The following WWOX variants were observed in gnomAD, a reference collection of about 807,000 sequenced individuals.
The protein encoded by WWOX is WW domain-containing oxidoreductase.
In WWOX, 69 loss-of-function variants were observed where a neutral mutation model predicts 46.2. The ratio of observed to expected loss-of-function variants is 1.49; its 90% CI spans 1.23 to 1.82. The LOEUF is 1.82. WWOX is among the 40% of genes most tolerant of loss of function. The probability of loss-of-function intolerance (pLI) is 0.00; values close to 1 mark genes in which losing one functional copy is unlikely to be tolerated. For synonymous variants in WWOX, 359 were observed against 202.6 expected (o/e 1.77, Z -6.56); for missense variants, 919 against 542.6 (o/e 1.69, Z -6.89).
intron 8 of WWOX, among the ~76,000 whole-genome samples, chr16:78,586,804 A>C (rs540503619): frequency 1.3e-5 from 2 of 152,138 alleles, no homozygotes; most frequent in East Asian, 1.9e-4. Context: ...AGTATCATCT[A>C]TGTATAATTG....
intron 8 of WWOX, among the ~76,000 whole-genome samples, chr16:79,006,668 G>A (rs927745964): frequency 2.6e-5 from 4 of 152,216 alleles, no homozygotes; most frequent in Admixed American, 6.5e-5. Context: ...GGTCTCACTC[G>A]GCTAAGATCC....
At chr16:78,410,347 G>A (rs934958826) in intron 6 of WWOX, among the ~76,000 whole-genome samples, 2 of 152,212 alleles carry the variant, frequency 1.3e-5, no homozygotes, top group Non-Finnish European at 2.9e-5. Context: ...ACGGTCTGCA[G>A]CATGTCTTTT....
At chr16:78,691,337 A>C (rs1391089159) in intron 8 of WWOX, 1 of 699,342 alleles carries the variant, frequency 1.4e-6, no homozygotes, top group African/African-American at 1.8e-5. Flanking sequence ...TTCATTTTCA[A>C]CATAGCTTTA....
At chr16:78,915,153 C>T (rs1199627973) in intron 8 of WWOX, among the ~76,000 whole-genome samples, 8 of 152,068 alleles carry the variant, frequency 5.3e-5, no homozygotes, top group Admixed American at 6.6e-5. Context: ...AATTACTCTC[C>T]AGTTTTCTTC....
intron 8 of WWOX, among the ~76,000 whole-genome samples, chr16:78,963,744 G>C (rs1011034679): frequency 6.6e-6 from 1 of 152,124 alleles, no homozygotes; most frequent in Non-Finnish European, 1.5e-5. Flanking sequence ...TCCATTTTAA[G>C]ATACAGAAAG....
At position 78,114,492 on chromosome 16, in the gene WWOX, T is replaced by C. The variant is rs1175224489; in HGVS notation, c.231-484T>C. On this transcript the variant is annotated intron_variant, in intron 3 of 8. Transcript: ENST00000566780. ...GAGGTATGAGTGCAGAGTCTTAAAA[T>C]GAAAATCGTTAGAATTTTGGTAGTT... Among the ~76,000 whole-genome samples the C allele has an allele frequency of 4.6e-5, 7 of 152,338 alleles. No individual in the cohort carries two copies. In the East Asian group the frequency reaches 1.3e-3, roughly 29 times the overall value.
At chr16:78,868,462 C>T (rs894912039) in intron 8 of WWOX, among the ~76,000 whole-genome samples, 1 of 118,770 alleles carries the variant, frequency 8.4e-6, no homozygotes, top group Non-Finnish European at 1.8e-5. Context: ...GATGGCTGCA[C>T]AACTGGATAA....
intron 5 of WWOX, among the ~76,000 whole-genome samples, chr16:78,333,523 G>C (rs1446927832): frequency 6.6e-6 from 1 of 151,932 alleles, no homozygotes; most frequent in Non-Finnish European, 1.5e-5. Flanking sequence ...AGTTCTTTTT[G>C]CTTTGTCCGT....
chr16:78,297,978 C>T (rs559678457), intron 5 of WWOX, among the ~76,000 whole-genome samples: 23 of 152,240 alleles, frequency 1.5e-4, no homozygotes, highest in East Asian at 3.9e-4. Context: ...TCATGGAGAC[C>T]GTTCCCCCGT....
At chr16:79,078,801 G>C (rs1430295133) in intron 8 of WWOX, among the ~76,000 whole-genome samples, 1 of 152,184 alleles carries the variant, frequency 6.6e-6, no homozygotes, top group South Asian at 2.1e-4. Context: ...ATTTCTCCAA[G>C]TGGTGATAAT....
At position 78,523,254 on chromosome 16, in the gene WWOX, T is replaced by C. The variant is rs567760828; in HGVS notation, c.1056+90502T>C. ...TAAACCAAAGGACCTAAATAAAATA[T>C]TAATTTTTCATAGTGTTTAATATGT... On this transcript the variant is annotated intron_variant, in intron 8 of 8. Transcript: ENST00000566780. 5.3e-4 allele frequency among the ~76,000 whole-genome samples: 80 copies of C among 152,326 alleles called. 2 individuals carry two copies. The South Asian group carries it at 0.015, about 29-fold the overall frequency.
At chr16:78,414,225 C>G (rs1020189514) in intron 6 of WWOX, among the ~76,000 whole-genome samples, 5 of 152,106 alleles carry the variant, frequency 3.3e-5, no homozygotes, top group African/African-American at 1.2e-4. Context: ...ACCTATTTCC[C>G]TTTGCTGACC....
At chr16:79,092,613 C>G (rs2048985597) in intron 8 of WWOX, among the ~76,000 whole-genome samples, 1 of 152,190 alleles carries the variant, frequency 6.6e-6, no homozygotes, top group Non-Finnish European at 1.5e-5. Context: ...TGATCTGATT[C>G]ATCTGGCGAA....
chr16:78,585,697 G>GT (rs577463776), intron 8 of WWOX, among the ~76,000 whole-genome samples: 671 of 133,962 alleles, frequency 5.0e-3, no homozygotes, highest in Admixed American at 6.7e-3. Flanking sequence ...GTTTTTTTTT[G>GT]TTTTTTTTGT....
At chr16:78,587,193 C>CTTTTTTTTTTTTTTTTTTTTTTTGTTT (rs2045229678) in intron 8 of WWOX, among the ~76,000 whole-genome samples, 1 of 112,908 alleles carries the variant, frequency 8.9e-6, no homozygotes, top group African/African-American at 3.4e-5. Flanking sequence ...GCCTGGCTAA[C>CTTTTTTTTTTTTTTTTTTTTTTTGTTT]TTTTTTTTTT....
At chr16:78,810,686 G>A (rs972998033) in intron 8 of WWOX, among the ~76,000 whole-genome samples, 4 of 152,192 alleles carry the variant, frequency 2.6e-5, no homozygotes, top group Non-Finnish European at 4.4e-5. Context: ...GCTGATTGAA[G>A]CGGGCCATAG....
chr16:78,197,964 T>C (rs888475230), intron 5 of WWOX, among the ~76,000 whole-genome samples: 1 of 152,156 alleles, frequency 6.6e-6, no homozygotes, highest in African/African-American at 2.4e-5. Flanking sequence ...TTTAAATTTC[T>C]TCCATTTTCT....
At chr16:78,234,659 A>C (rs995148780) in intron 5 of WWOX, among the ~76,000 whole-genome samples, 1 of 152,204 alleles carries the variant, frequency 6.6e-6, no homozygotes, top group Non-Finnish European at 1.5e-5. Context: ...TAATTCTTCC[A>C]AGTCAAAAGG....
At chr16:78,197,328 G>A (rs1019703168) in intron 5 of WWOX, among the ~76,000 whole-genome samples, 1 of 152,186 alleles carries the variant, frequency 6.6e-6, no homozygotes, top group Admixed American at 6.5e-5. Context: ...TTTAATATGA[G>A]CACACCTCCT....
Sources: gnomAD v4.1 joint callset for allele counts (sites outside exome capture counted in the v4.1 genomes callset) on GRCh38, gnomAD v4.1.1 for gene constraint, MANE v1.5 for transcripts, NCBI Gene and HGNC (gene_info 2026-07-23, HGNC 2026-07-21) for gene names.